MMP26: variants seen among roughly 807,000 people sequenced by gnomAD.
MMP26 encodes the protein matrix metallopeptidase 26.
Under a neutral mutation model 31.0 loss-of-function variants are expected in MMP26, and 33 were observed. The observed-to-expected ratio is 1.06, with a 90% CI of 0.81 to 1.42. The LOEUF (loss-of-function observed/expected upper bound fraction) is 1.42. MMP26 is among the 40% of genes most tolerant of loss of function. The pLI is 0.00. For missense variants in MMP26, 347 were observed against 316.1 expected (o/e 1.10, Z -0.74); for synonymous variants, 122 against 114.9 (o/e 1.06, Z -0.40).
At chr11:4,898,857 G>C (rs1423060477) in intron 2 of MMP26, among the ~76,000 whole-genome samples, 2 of 150,062 alleles carry the variant, frequency 1.3e-5, no homozygotes, top group African/African-American at 5.0e-5. Flanking sequence ...GTGTGTGTGT[G>C]TGTGTGTGTG....
Position 4,970,457 on chromosome 11 carries a change from C to A in MMP26, c.-144-17611C>A, listed in dbSNP as rs1045835269. On this transcript the variant is annotated intron_variant, in intron 2 of 7. Transcript: ENST00000380390. ...TTCAGTTAACCCTTTCCCCCTCTTT[C>A]TGCCTCAGATGATTGCTGTTTGGGG... Among the ~76,000 whole-genome samples, 29 of 152,298 alleles carry A rather than the reference C, an allele frequency of 1.9e-4. 1 individual carries two copies. Among genetic ancestry groups the A allele is most frequent in the African/African-American group, 6.5e-4 (27 of 41,562 alleles).
rs1846986272 is a variant in MMP26 at position 4,990,718 on chromosome 11, A to C, written c.441A>C (p.Ala147=). ...TCCAGCAAGTGCAGAATGGAGATGCAGACATCAAGGTTTCTTTCTGGCAGT... is the reference window on the plus strand; with the variant it reads ...TCCAGCAAGTGCAGAATGGAGATGCCGACATCAAGGTTTCTTTCTGGCAGT... ...LIFQQVQNGD[A]DIKVSFWQWA... is the part of the protein sequence containing the mutation. The change falls in exon 5 of 8, where the codon GCA becomes GCC. Residue 147 remains alanine (A), a synonymous_variant. Transcript: ENST00000380390. The C allele has an allele frequency of 6.2e-7, 1 of 1,614,030 alleles. No homozygotes were observed. Among genetic ancestry groups the C allele is most frequent in the Non-Finnish European group, 8.5e-7 (1 of 1,179,986 alleles).
intron 2 of MMP26, among the ~76,000 whole-genome samples, chr11:4,793,171 C>T (rs1024756392): frequency 6.6e-6 from 1 of 151,956 alleles, no homozygotes; most frequent in African/African-American, 2.4e-5. Context: ...TTATAATCAC[C>T]CTTTGATGTA....
chr11:4,884,549 A>T (rs935825398), intron 2 of MMP26, among the ~76,000 whole-genome samples: 4 of 152,124 alleles, frequency 2.6e-5, no homozygotes, highest in Non-Finnish European at 5.9e-5. Flanking sequence ...GTATCATACT[A>T]TGGCAGAGTC....
At chr11:4,860,020 A>C (rs565671520) in intron 2 of MMP26, 1 of 471,102 alleles carries the variant, frequency 2.1e-6, no homozygotes, top group Non-Finnish European at 4.4e-6. Context: ...GTTTTGGTGA[A>C]GACAGTATGA....
intron 2 of MMP26, among the ~76,000 whole-genome samples, chr11:4,843,456 G>A (rs1324850881): frequency 6.6e-6 from 1 of 152,240 alleles, no homozygotes; most frequent in Non-Finnish European, 1.5e-5. Context: ...CATGGAAGCT[G>A]CTATGGCTTG....
intron 2 of MMP26, among the ~76,000 whole-genome samples, chr11:4,840,838 G>T (rs1490689579): frequency 6.6e-6 from 1 of 152,196 alleles, no homozygotes; most frequent in Non-Finnish European, 1.5e-5. Flanking sequence ...ACCAATCCTG[G>T]AGAAACAGAG....
chr11:4,779,202 T>G (rs970262543), intron 2 of MMP26, among the ~76,000 whole-genome samples: 2 of 152,082 alleles, frequency 1.3e-5, no homozygotes, highest in Non-Finnish European at 2.9e-5. Context: ...TAGGGAATAC[T>G]TAAACATTTC....
chr11:4,795,355 C>T (rs1306937349), intron 2 of MMP26: 5 of 152,140 alleles, frequency 3.3e-5, no homozygotes, highest in Non-Finnish European at 7.3e-5. Context: ...GCTGCCCTAA[C>T]ATTTGGGGGA....
At chr11:4,922,641 A>G (rs17252989) in intron 2 of MMP26, among the ~76,000 whole-genome samples, 13,503 of 152,292 alleles carry the variant, frequency 0.089, 799 homozygotes, top group Non-Finnish European at 0.12. Context: ...TAAGCACAAA[A>G]TAACACATAA....
intron 2 of MMP26, among the ~76,000 whole-genome samples, chr11:4,905,957 A>T (rs1190961994): frequency 6.6e-6 from 1 of 152,120 alleles, no homozygotes. Context: ...GATTTTTTTC[A>T]TTTAGCATTT....
In MMP26 at chr11:4,848,932, C is replaced by T. The variant is rs148053298; in HGVS notation, c.-145+81591C>T. 5.3e-5 allele frequency: 85 copies of T among 1,613,832 alleles called. No individual in the cohort carries two copies. In the African/African-American group the frequency reaches 8.1e-4, roughly 15 times the overall value. ...GGGACAGTGTGAGCACCAGCAAGGG[C>T]GATGCCCAGCAGTGTGGGCATCAGG... On this transcript the variant is annotated intron_variant, in intron 2 of 7. Coordinates refer to ENST00000380390, the MANE Select transcript of MMP26 (RefSeq NM_021801.5).
intron 2 of MMP26, chr11:4,769,221 G>A: frequency 1.2e-6 from 2 of 1,613,718 alleles, no homozygotes; most frequent in Non-Finnish European, 1.7e-6. Flanking sequence ...CATTCTTCAG[G>A]GGAGGCAATT....
chr11:4,798,917 C>T (rs1278990038), intron 2 of MMP26, among the ~76,000 whole-genome samples: 1 of 152,008 alleles, frequency 6.6e-6, no homozygotes, highest in Admixed American at 6.6e-5. Context: ...AAAACGGAGC[C>T]CTGACATCAC....
intron 2 of MMP26, among the ~76,000 whole-genome samples, chr11:4,775,749 A>G (rs1480019537): frequency 8.3e-6 from 1 of 120,714 alleles, no homozygotes; most frequent in African/African-American, 2.7e-5. Context: ...GAAGTGAGTG[A>G]GAGAGAGAGA....
At chr11:4,915,084 A>G in intron 2 of MMP26, 1 of 1,614,122 alleles carries the variant, frequency 6.2e-7, no homozygotes, top group Non-Finnish European at 8.5e-7. Context: ...ATGTCGGCAC[A>G]GGCCAATTTC....
chr11:4,761,999 A>AT (rs1401892157), intron 1 of MMP26, among the ~76,000 whole-genome samples: 1 of 151,974 alleles, frequency 6.6e-6, no homozygotes, highest in Non-Finnish European at 1.5e-5. Context: ...GAAAAAAAAA[A>AT]GACCTGGCTT....
intron 2 of MMP26, among the ~76,000 whole-genome samples, chr11:4,807,377 T>C (rs1301896104): frequency 1.3e-5 from 2 of 152,156 alleles, no homozygotes; most frequent in African/African-American, 4.8e-5. Flanking sequence ...CAAATGTCCA[T>C]TAATGATAGA....
chr11:4,852,762 C>T (rs193065859), intron 2 of MMP26, among the ~76,000 whole-genome samples: 1 of 152,272 alleles, frequency 6.6e-6, no homozygotes, highest in Admixed American at 6.5e-5. Context: ...GAGATATCTT[C>T]ACTCCCGTGT....
Sources: gnomAD v4.1 joint callset for allele counts (sites outside exome capture counted in the v4.1 genomes callset) on GRCh38, gnomAD v4.1.1 for gene constraint, MANE v1.5 for transcripts, NCBI Gene and HGNC (gene_info 2026-07-23, HGNC 2026-07-21) for gene names.